OLFM3: variants seen among roughly 807,000 people sequenced by gnomAD.
OLFM3 encodes olfactomedin 3.
Under a neutral mutation model 48.6 loss-of-function variants are expected in OLFM3, and 20 were observed. The observed-to-expected ratio is 0.41, with a 90% confidence interval of 0.29 to 0.60. The LOEUF is 0.60. OLFM3 is among the 20% of genes least tolerant of loss of function. OLFM3 has a pLI of 0.28. For synonymous variants in OLFM3, 222 were observed against 198.1 expected (o/e 1.12, Z -1.01); for missense variants, 437 against 544.3 (o/e 0.80, Z 1.96).
chr1:101,965,353 G>GA (rs1382973056), intron 1 of OLFM3, among the ~76,000 whole-genome samples: 3 of 152,086 alleles, frequency 2.0e-5, no homozygotes, highest in Non-Finnish European at 2.9e-5. Context: ...TCGAAGGAAG[G>GA]AAAAAAATGT....
At chr1:101,862,922 A>T (rs1292182264) in intron 1 of OLFM3, among the ~76,000 whole-genome samples, 2 of 152,218 alleles carry the variant, frequency 1.3e-5, no homozygotes, top group Admixed American at 1.3e-4. Context: ...ATGCCCTTTG[A>T]AAATCTCTGA....
In OLFM3 at chr1:101,828,066, G is replaced by GTCTCTCTCTC. The variant is rs200924384; in HGVS notation, c.372+2596_372+2605dup. ...TGTCTGTCTGTCTCTCTCTCTCTCT[G>GTCTCTCTCTC]TCTCTCTCTCTCTCCTCCTGCCTTG... On this transcript the variant is annotated intron_variant, in intron 3 of 5. Coordinates refer to ENST00000370103, the MANE Select transcript of OLFM3 (RefSeq NM_058170.4). Among the ~76,000 whole-genome samples the GTCTCTCTCTC allele has an allele frequency of 9.3e-3, 1,323 of 141,896 alleles. 21 individuals carry two copies. Among genetic ancestry groups the GTCTCTCTCTC allele is most frequent in the African/African-American group, 0.024 (929 of 37,958 alleles). 93.1% of individuals were successfully genotyped at this position (141,896 alleles called of 152,430 possible). A position where few individuals can be genotyped will look rare whatever the true frequency, so the allele number is the denominator to read the frequency against.
At chr1:101,842,672 G>A (rs982825508) in intron 1 of OLFM3, among the ~76,000 whole-genome samples, 9 of 152,108 alleles carry the variant, frequency 5.9e-5, no homozygotes, top group South Asian at 2.1e-4. Flanking sequence ...ACAATGGAAC[G>A]TCTACAAATT....
chr1:101,988,923 G>A (rs1382661479), intron 1 of OLFM3, among the ~76,000 whole-genome samples: 1 of 152,048 alleles, frequency 6.6e-6, no homozygotes, highest in Non-Finnish European at 1.5e-5. Context: ...ATTTGGGGTA[G>A]GGAGGAAATC....
At chr1:101,925,325 G>A (rs775878501) in intron 1 of OLFM3, among the ~76,000 whole-genome samples, 35 of 150,916 alleles carry the variant, frequency 2.3e-4, no homozygotes, top group African/African-American at 5.9e-4. Context: ...TTACATTGGC[G>A]TTTTTTTTAA....
chr1:101,839,528 A>G (rs192473332), intron 1 of OLFM3, among the ~76,000 whole-genome samples: 12 of 152,320 alleles, frequency 7.9e-5, no homozygotes, highest in Non-Finnish European at 1.3e-4. Context: ...ATGCCAGAAA[A>G]TTGAGGCTTG....
In OLFM3 at chr1:101,803,256, T is replaced by C. The variant is rs527709637; in HGVS notation, c.*982A>G. 1 of 152,240 alleles carries C rather than the reference T, an allele frequency of 6.6e-6. No homozygotes were observed. Among genetic ancestry groups the C allele is most frequent in the Admixed American group, 6.6e-5 (1 of 15,204 alleles). 9.4% of individuals were successfully genotyped at this position (152,240 alleles called of 1,614,324 possible). On this transcript the variant is annotated 3_prime_UTR_variant, in exon 6 of 6. Coordinates refer to ENST00000370103, the MANE Select transcript of OLFM3 (RefSeq NM_058170.4). ...AGTTGTATGTAAAATATAAATTAAATGCTAGTACATTTAACTATGAAGAAC... is the reference window on the plus strand; with the variant it reads ...AGTTGTATGTAAAATATAAATTAAACGCTAGTACATTTAACTATGAAGAAC...
chr1:101,806,331 G>A (rs370556666), intron 4 of OLFM3, 149 bp from the exon 5 acceptor site: 1 of 643,312 alleles, frequency 1.6e-6, no homozygotes. Context: ...TATTCACAAT[G>A]GGTGCTGGGC....
rs537869885 is a variant in OLFM3 at position 101,861,521 on chromosome 1, G to A, written c.70-24496C>T. Among the ~76,000 whole-genome samples, 57 of 152,334 alleles carry A rather than the reference G, an allele frequency of 3.7e-4. No individual in the cohort carries two copies. The South Asian group carries it at 0.012, about 31-fold the overall frequency. On this transcript the variant is annotated intron_variant, in intron 1 of 5. Coordinates refer to ENST00000370103, the MANE Select transcript of OLFM3 (RefSeq NM_058170.4). ...CACCATAGAAGGTTCAGGGAAAGGG[G>A]AAAGCCTGAATAGTTGCTGATTGGC...
chr1:101,995,377 C>T (rs919744830), intron 1 of OLFM3, among the ~76,000 whole-genome samples: 13 of 152,196 alleles, frequency 8.5e-5, no homozygotes, highest in African/African-American at 2.9e-4. Context: ...AAAATCAACA[C>T]TTTTTCCTAA....
chr1:101,910,495 A>C (rs2879348), intron 1 of OLFM3, among the ~76,000 whole-genome samples: 63,952 of 149,384 alleles, frequency 0.43, 13,927 homozygotes, highest in East Asian at 0.59. Flanking sequence ...GAAAGAAGAA[A>C]AAAAGTACAT....
At chr1:101,915,466 T>A (rs1390916589) in intron 1 of OLFM3, among the ~76,000 whole-genome samples, 2 of 152,204 alleles carry the variant, frequency 1.3e-5, no homozygotes, top group Non-Finnish European at 2.9e-5. Context: ...ATGAAGCACT[T>A]TATCTTAAAA....
intron 1 of OLFM3, among the ~76,000 whole-genome samples, chr1:101,950,027 TAA>T (rs68119821): frequency 4.1e-4 from 53 of 129,114 alleles, no homozygotes; most frequent in South Asian, 4.9e-4. Context: ...GACTCCGTCT[TAA>T]AAAAAAAAAA....
At chr1:101,924,718 A>C (rs557463423) in intron 1 of OLFM3, among the ~76,000 whole-genome samples, 2 of 152,216 alleles carry the variant, frequency 1.3e-5, no homozygotes, top group South Asian at 4.1e-4. Context: ...CATAATGGTT[A>C]ATTTTAAATT....
chr1:101,861,359 GAGA>G, intron 1 of OLFM3, among the ~76,000 whole-genome samples: 1 of 150,546 alleles, frequency 6.6e-6, no homozygotes. Context: ...ACCGTGCCCG[GAGA>G]TTTGATTATA....
At chr1:101,841,837 G>A (rs1655736066) in intron 1 of OLFM3, among the ~76,000 whole-genome samples, 1 of 152,192 alleles carries the variant, frequency 6.6e-6, no homozygotes, top group Non-Finnish European at 1.5e-5. Flanking sequence ...TGTACAAATG[G>A]AGGAAATAAA....
At chr1:101,809,079 G>T (rs572882300) in intron 4 of OLFM3, among the ~76,000 whole-genome samples, 1 of 151,450 alleles carries the variant, frequency 6.6e-6, no homozygotes, top group East Asian at 1.9e-4. Context: ...AAATATGGAG[G>T]CATCTAGGAT....
intron 1 of OLFM3, among the ~76,000 whole-genome samples, chr1:101,958,716 A>ATT (rs537748966): frequency 6.6e-6 from 1 of 150,812 alleles, no homozygotes; most frequent in East Asian, 1.9e-4. Flanking sequence ...AGTTAAAGTG[A>ATT]TTTTTTTTTC....
chr1:101,891,719 A>C (rs545644599), intron 1 of OLFM3, among the ~76,000 whole-genome samples: 25 of 152,084 alleles, frequency 1.6e-4, no homozygotes, highest in African/African-American at 6.0e-4. Context: ...AAGAAAATAA[A>C]TGTTAGTGGC....
Sources: allele counts gnomAD v4.1 joint callset (sites outside exome capture counted in the v4.1 genomes callset), GRCh38; gene constraint gnomAD v4.1.1; transcripts MANE v1.5; gene names NCBI Gene and HGNC (gene_info 2026-07-23, HGNC 2026-07-21).